Variants in ITPKB observed in about 807,000 individuals in gnomAD.
ITPKB encodes the protein IP3 3-kinase B.
In ITPKB, 13 loss-of-function variants were observed where a neutral mutation model predicts 69.4. That is an observed-to-expected ratio of 0.19 (90% CI 0.12 to 0.30). The LOEUF is 0.30. Among genes scored for constraint, ITPKB ranks in the 10% least tolerant of loss-of-function variants. The pLI is 1.00. For synonymous variants in ITPKB, 584 were observed against 513.7 expected (o/e 1.14, Z -1.85); for missense variants, 1,240 against 1,250.5 (o/e 0.99, Z 0.13).
intron 2 of ITPKB, among the ~76,000 whole-genome samples, chr1:226,658,239 C>T (rs1024129336): frequency 1.3e-5 from 2 of 152,214 alleles, no homozygotes; most frequent in Non-Finnish European, 2.9e-5. Flanking sequence ...GGTGCTTCTC[C>T]TAGGCTGCAG....
chr1:226,671,855 C>T (rs980517048), intron 2 of ITPKB, among the ~76,000 whole-genome samples: 1 of 152,152 alleles, frequency 6.6e-6, no homozygotes, highest in African/African-American at 2.4e-5. Flanking sequence ...ACAGAGTAAA[C>T]AAAGAGGAGA....
intron 2 of ITPKB, among the ~76,000 whole-genome samples, chr1:226,690,242 A>C (rs1259210468): frequency 6.6e-6 from 1 of 152,238 alleles, no homozygotes; most frequent in Admixed American, 6.5e-5. Context: ...ACAGTGTATA[A>C]GCGTTTCTTT....
chr1:226,652,329 C>T (rs895584884), intron 2 of ITPKB, among the ~76,000 whole-genome samples: 4 of 152,198 alleles, frequency 2.6e-5, no homozygotes, highest in Non-Finnish European at 5.9e-5. Flanking sequence ...TCCAGGCACA[C>T]GCCGCTTTCC....
intron 2 of ITPKB, among the ~76,000 whole-genome samples, chr1:226,714,033 G>C (rs1299182070): frequency 6.6e-6 from 1 of 152,200 alleles, no homozygotes. Context: ...GAGGCTCTCA[G>C]AGAGCAGACA....
At chr1:226,649,845 CAAAAAAACAA>C (rs1241978051) in intron 2 of ITPKB, among the ~76,000 whole-genome samples, 6 of 150,214 alleles carry the variant, frequency 4.0e-5, no homozygotes, top group Non-Finnish European at 7.4e-5. Flanking sequence ...CAAAACAAAA[CAAAAAAACAA>C]AAAAAAAACA....
At chr1:226,697,940 G>A (rs1193542681) in intron 2 of ITPKB, among the ~76,000 whole-genome samples, 1 of 152,188 alleles carries the variant, frequency 6.6e-6, no homozygotes, top group Non-Finnish European at 1.5e-5. Context: ...CACAGGCTGG[G>A]AGCCACTCAA....
chr1:226,669,938 A>G (rs1188148495), intron 2 of ITPKB, among the ~76,000 whole-genome samples: 2 of 151,524 alleles, frequency 1.3e-5, no homozygotes, highest in East Asian at 3.9e-4. Context: ...CAGCTGCACA[A>G]TCCCAGCTCA....
chr1:226,711,442 A>AGAGAGAGAGAGT (rs1491474441), intron 2 of ITPKB, among the ~76,000 whole-genome samples: 4 of 102,292 alleles, frequency 3.9e-5, no homozygotes, highest in African/African-American at 1.2e-4. Flanking sequence ...AGAGAGAGAG[A>AGAGAGAGAGAGT]GTGTGTGTGT....
intron 7 of ITPKB, among the ~76,000 whole-genome samples, chr1:226,635,839 C>T (rs960049714): frequency 4.6e-5 from 7 of 152,356 alleles, no homozygotes; most frequent in South Asian, 2.1e-4. Flanking sequence ...TGCATGGGAG[C>T]GAGGCGCTTT....
At chr1:226,720,917 C>T (rs1657221378) in intron 2 of ITPKB, among the ~76,000 whole-genome samples, 1 of 152,048 alleles carries the variant, frequency 6.6e-6, no homozygotes, top group Non-Finnish European at 1.5e-5. Flanking sequence ...TGGCACCTGT[C>T]TGTAATCCCA....
chr1:226,734,085 T>C (rs1282271526), intron 2 of ITPKB, among the ~76,000 whole-genome samples: 1 of 152,230 alleles, frequency 6.6e-6, no homozygotes. Context: ...ATCTGGCCCA[T>C]GCCTTCAGAA....
At chr1:226,713,677 G>T (rs1203571331) in intron 2 of ITPKB, among the ~76,000 whole-genome samples, 1 of 152,164 alleles carries the variant, frequency 6.6e-6, no homozygotes, top group Non-Finnish European at 1.5e-5. Flanking sequence ...CTCAGACTCA[G>T]CCCCATAAAT....
In ITPKB at chr1:226,735,904, C is replaced by A; in HGVS notation, c.1555G>T (p.Ala519Ser). ...TGCACCCCTGTGCCACGCGTCCAAGCCAAACCGGCTTTCTCCATGGTGCCC... is the reference window on the plus strand; with the variant it reads ...TGCACCCCTGTGCCACGCGTCCAAGACAAACCGGCTTTCTCCATGGTGCCC... ...WQGTMEKAGL[A>S]WTRGTGVQSE... is the part of the protein sequence containing the mutation. Residue 519 changes from alanine to serine, a missense_variant, in exon 2 of 8, where the codon GCT becomes TCT. This residue lies in a region of ITPKB where 992 missense variants were observed against 853.8 expected (regional missense o/e 1.16). Transcript: ENST00000429204. 6.2e-7 allele frequency: 1 copy of A among 1,613,480 alleles called. No individual in the cohort carries two copies. The highest frequency in any genetic ancestry group is 8.5e-7 in the Non-Finnish European group (1 of 1,179,540).
At chr1:226,665,214 T>C (rs962371654) in intron 2 of ITPKB, among the ~76,000 whole-genome samples, 4 of 152,228 alleles carry the variant, frequency 2.6e-5, no homozygotes, top group African/African-American at 9.6e-5. Context: ...TCTCTTCCCC[T>C]GTCACTGGGT....
At chr1:226,636,793 T>TGA (rs1015313987) in intron 7 of ITPKB, among the ~76,000 whole-genome samples, 94 of 130,740 alleles carry the variant, frequency 7.2e-4, no homozygotes, top group East Asian at 1.4e-3. Context: ...TGTGTGTGTG[T>TGA]GAGACTGGGA....
intron 2 of ITPKB, among the ~76,000 whole-genome samples, chr1:226,666,800 T>G (rs969376843): frequency 2.0e-5 from 3 of 152,188 alleles, no homozygotes; most frequent in African/African-American, 7.2e-5. Flanking sequence ...GCCAATTTCA[T>G]CATGTCCCTC....
chr1:226,648,635 G>A, intron 3 of ITPKB, 37 bp downstream of exon 3: 1 of 1,301,116 alleles, frequency 7.7e-7, no homozygotes, highest in East Asian at 2.3e-5. Flanking sequence ...AGAGGGCTGA[G>A]CACCATGCTG....
chr1:226,667,145 A>G (rs529154032), intron 2 of ITPKB, among the ~76,000 whole-genome samples: 1 of 152,080 alleles, frequency 6.6e-6, no homozygotes, highest in Non-Finnish European at 1.5e-5. Context: ...TACCTCACAC[A>G]CGCATCTGCT....
Position 226,736,906 on chromosome 1 carries a change from G to T in ITPKB, c.553C>A (p.Gln185Lys), listed in dbSNP as rs1331972069. The change falls in exon 2 of 8, where the codon CAG (glutamine) becomes AAG (lysine). Residue 185 changes from glutamine (Q) to lysine (K), a missense_variant. This residue lies in a region of ITPKB where 992 missense variants were observed against 853.8 expected (regional missense o/e 1.16). Coordinates refer to ENST00000429204, the MANE Select transcript of ITPKB (RefSeq NM_002221.4). Reference sequence around the variant, plus strand: ...TGAACCAGGACCCTTCCAGGGGGCTGACTGCTGCTGCGGAAGGGGCACGGG... The same window carrying T: ...TGAACCAGGACCCTTCCAGGGGGCTTACTGCTGCTGCGGAAGGGGCACGGG... ...PSPCPFRSSS[Q>K]PPGRVLVQGA... 1 of 1,610,456 alleles carries T rather than the reference G, an allele frequency of 6.2e-7. No homozygotes were observed. The highest frequency in any genetic ancestry group is 2.2e-5 in the East Asian group (1 of 44,874).
Sources: allele counts gnomAD v4.1 joint callset (sites outside exome capture counted in the v4.1 genomes callset), GRCh38; gene constraint gnomAD v4.1.1; regional missense constraint gnomAD v4.1.1; transcripts MANE v1.5; gene names NCBI Gene and HGNC (gene_info 2026-07-23, HGNC 2026-07-21).